Variants in ZC3HAV1 observed in about 807,000 individuals in gnomAD.
ZC3HAV1 encodes the protein zinc finger CCCH-type antiviral protein 1.
ZC3HAV1 carries 41 observed loss-of-function variants against 86.6 expected under a neutral mutation model. The observed-to-expected ratio is 0.47, with a 90% confidence interval of 0.37 to 0.61. The LOEUF is 0.61. Ranked by LOEUF, ZC3HAV1 falls within the 20% of genes least tolerant of loss-of-function variation. The pLI is 0.00. For synonymous variants in ZC3HAV1, 421 were observed against 432.1 expected, an observed-to-expected ratio of 0.97 and a Z score of 0.32; for missense variants, 964 against 1,141.1, an observed-to-expected ratio of 0.84 and a Z score of 2.24.
intron 10 of ZC3HAV1, 32 bp downstream of exon 10, chr7:139,055,173 G>T: frequency 1.3e-6 from 2 of 1,570,048 alleles, no homozygotes; most frequent in South Asian, 2.3e-5. Flanking sequence ...ACTTTTAACA[G>T]ACTCATCCAC....
At chr7:139,087,415 C>CAGAG (rs35425692) in intron 2 of ZC3HAV1, among the ~76,000 whole-genome samples, 7 of 133,912 alleles carry the variant, frequency 5.2e-5, no homozygotes, top group African/African-American at 1.4e-4. Flanking sequence ...GGGACAGAGA[C>CAGAG]AGAGAGAGAG....
chr7:139,058,279 C>T (rs1346879151), intron 9 of ZC3HAV1, among the ~76,000 whole-genome samples: 1 of 151,618 alleles, frequency 6.6e-6, no homozygotes, highest in Non-Finnish European at 1.5e-5. Context: ...CTGGAGAAAC[C>T]GTGTCTCTAT....
At chr7:139,100,990 G>C (rs1817741481) in intron 1 of ZC3HAV1, among the ~76,000 whole-genome samples, 1 of 152,216 alleles carries the variant, frequency 6.6e-6, no homozygotes, top group Non-Finnish European at 1.5e-5. Flanking sequence ...TTGCAGGCGC[G>C]TGCCGCCACG....
At chr7:139,090,168 G>A (rs1397912156) in intron 1 of ZC3HAV1, among the ~76,000 whole-genome samples, 6 of 152,208 alleles carry the variant, frequency 3.9e-5, no homozygotes, top group South Asian at 4.1e-4. Context: ...TGATCCATCC[G>A]CCTCAGCCTC....
rs1243748993 is a variant in ZC3HAV1 at position 139,097,412 on chromosome 7, ATATATATATATATATATTT to A, written c.309-7672_309-7654del. On this transcript the variant is annotated intron_variant, in intron 1 of 12. Coordinates refer to ENST00000242351, the MANE Select transcript of ZC3HAV1 (RefSeq NM_020119.4). ...AAATATTGGAACTCCATATATATAT[ATATATATATATATATATTT>A]TTTTTTTTTTTTTTTTTCTTTGAGA... 2.4e-4 allele frequency among the ~76,000 whole-genome samples: 18 copies of A among 74,340 alleles called. 1 individual carries two copies. The South Asian group carries it at 6.4e-3, about 26-fold the overall frequency. 48.8% of individuals were successfully genotyped at this position (74,340 alleles called of 152,430 possible). A position where few individuals can be genotyped will look rare whatever the true frequency, so the allele number is the denominator to read the frequency against.
At chr7:139,092,969 T>C (rs1817477377) in intron 1 of ZC3HAV1, among the ~76,000 whole-genome samples, 1 of 152,234 alleles carries the variant, frequency 6.6e-6, no homozygotes, top group African/African-American at 2.4e-5. Flanking sequence ...AGGGGCTTTA[T>C]CTTTGCCCTA....
chr7:139,051,035 G>A (rs1048225883), intron 12 of ZC3HAV1, among the ~76,000 whole-genome samples: 2 of 151,606 alleles, frequency 1.3e-5, no homozygotes, highest in African/African-American at 4.8e-5. Context: ...CTCTAGCTGG[G>A]TTAGTTGTCC....
intron 1 of ZC3HAV1, among the ~76,000 whole-genome samples, chr7:139,091,195 T>C (rs2130721648): frequency 6.6e-6 from 1 of 152,170 alleles, no homozygotes; most frequent in Non-Finnish European, 1.5e-5. Context: ...AGAAGGGCCT[T>C]TGAAAAGTAA....
rs765049408 is a variant in ZC3HAV1 at position 139,109,148 on chromosome 7, G to C, written c.184C>G (p.Arg62Gly). Residue 62 changes from arginine (R) to glycine (G), a missense_variant, in exon 1 of 13, where the codon CGA becomes GGA. Physicochemically the swap from Arg to Gly is moderately radical, Grantham distance 125. Coordinates refer to ENST00000242351, the MANE Select transcript of ZC3HAV1 (RefSeq NM_020119.4). Reference protein sequence around the residue: ...LETGGEAGITRSVVATTRARV... With the variant: ...LETGGEAGITGSVVATTRARV... ...GCTCGAGTGGTGGCCACCACCGATC[G>C]GGTGATCCCGGCCTCGCCGCCGGTC... The C allele has an allele frequency of 1.3e-6, 2 of 1,593,128 alleles. No homozygotes were observed. The highest frequency in any genetic ancestry group is 1.7e-6 in the Non-Finnish European group (2 of 1,170,030).
intron 8 of ZC3HAV1, among the ~76,000 whole-genome samples, chr7:139,061,412 T>C (rs767055239): frequency 2.6e-5 from 4 of 151,924 alleles, no homozygotes; most frequent in Admixed American, 6.6e-5. Context: ...AGAGGAGAGC[T>C]GGGGCAGCCA....
chr7:139,079,850 G>T lies in ZC3HAV1; in HGVS notation c.1091C>A (p.Ser364Tyr), dbSNP rs775741444. Reference protein sequence around the residue: ...TSAPNWKSLTSWTNDQGARRK... With the variant: ...TSAPNWKSLTYWTNDQGARRK... ...CCTGGCGCCTTGGTCATTCGTCCAG[G>T]ATGTGAGGCTCTTCCAGTTGGGGGC... Residue 364 changes from serine to tyrosine, a missense_variant, in exon 4 of 13, where the codon TCC becomes TAC. Transcript: ENST00000242351. 1.9e-6 allele frequency: 3 copies of T among 1,614,130 alleles called. No homozygotes were observed. In the South Asian group the frequency reaches 3.3e-5, roughly 18 times the overall value.
rs1166017491 is a variant in ZC3HAV1 at position 139,054,060 on chromosome 7, G to A, written c.2223C>T (p.Val741=). 1 of 1,598,732 alleles carries A rather than the reference G, an allele frequency of 6.3e-7. No individual in the cohort carries two copies. ...SEIHHLHPEY[V]RVSEHFKASM... ...AAGCTTTAAAATGCTCACTTACTCT[G>A]ACATATTCTGGATGTAGGTGATGGA... is the stretch of plus-strand genomic sequence containing the variant. Residue 741 remains valine, a synonymous_variant, in exon 11 of 13, where the codon GTC becomes GTT. Coordinates refer to ENST00000242351, the MANE Select transcript of ZC3HAV1 (RefSeq NM_020119.4).
rs1259567124 is a variant in ZC3HAV1, at chr7:139,083,982, C to T, written c.495G>A (p.Gln165=). The change falls in exon 3 of 13, where the codon CAG becomes CAA. Residue 165 remains glutamine (Q), a synonymous_variant. Coordinates refer to ENST00000242351, the MANE Select transcript of ZC3HAV1 (RefSeq NM_020119.4). ...AGATGTGGAGTCTTGAACACGGTGG[C>T]TGCTGGTTACAAATCTGCTGCCGAC... ...GEGRQQICNQ[Q]PPCSRLHICD... is the part of the protein sequence containing the mutation. 6.2e-7 allele frequency: 1 copy of T among 1,613,996 alleles called. No individual in the cohort carries two copies. The highest frequency in any genetic ancestry group is 2.2e-5 in the East Asian group (1 of 44,896).
At chr7:139,082,875 G>GT (rs11419329) in intron 3 of ZC3HAV1, among the ~76,000 whole-genome samples, 29,531 of 151,120 alleles carry the variant, frequency 0.2, 3,161 homozygotes, top group East Asian at 0.36. Context: ...TAAAATATTG[G>GT]TTTTTTTTTA....
intron 6 of ZC3HAV1, among the ~76,000 whole-genome samples, chr7:139,074,637 A>G (rs1347271821): frequency 6.6e-6 from 1 of 151,502 alleles, no homozygotes; most frequent in Non-Finnish European, 1.5e-5. Context: ...TTTGGAAAAC[A>G]GTTATTTTAT....
intron 11 of ZC3HAV1, 86 bp downstream of exon 11, chr7:139,053,879 A>T: frequency 6.6e-7 from 1 of 1,520,744 alleles, no homozygotes; most frequent in Admixed American, 2.5e-5. Flanking sequence ...TACTAAAATA[A>T]ATCAGTGAAT....
intron 1 of ZC3HAV1, among the ~76,000 whole-genome samples, chr7:139,105,543 T>C (rs1230340636): frequency 6.6e-6 from 1 of 152,150 alleles, no homozygotes; most frequent in African/African-American, 2.4e-5. Context: ...AAAACAATTA[T>C]CCAACATTGA....
At chr7:139,055,405 A>C in intron 9 of ZC3HAV1, 110 bp from the exon 10 acceptor site, 1 of 808,712 alleles carries the variant, frequency 1.2e-6, no homozygotes, top group East Asian at 2.7e-5. Flanking sequence ...AATACACAAT[A>C]TTTATTTCTG....
At chr7:139,050,656 C>T (rs1816095439) in intron 12 of ZC3HAV1, among the ~76,000 whole-genome samples, 1 of 152,098 alleles carries the variant, frequency 6.6e-6, no homozygotes. Context: ...AGGAATGAGC[C>T]ACAGTGCCTA....
Sources: allele counts gnomAD v4.1 joint callset (sites outside exome capture counted in the v4.1 genomes callset), GRCh38; gene constraint gnomAD v4.1.1; transcripts MANE v1.5; gene names NCBI Gene and HGNC (gene_info 2026-07-23, HGNC 2026-07-21).